The following KCNN2 variants were observed in gnomAD, a reference collection of about 807,000 sequenced individuals.
KCNN2 encodes the protein small conductance calcium-activated potassium channel protein 2.
A neutral mutation model predicts 55.5 loss-of-function variants in KCNN2; 24 were observed. The observed-to-expected ratio is 0.43, with a 90% CI of 0.31 to 0.61. The LOEUF is 0.61. KCNN2 is among the 20% of genes least tolerant of loss of function. KCNN2 has a pLI of 0.08. For missense variants in KCNN2, 754 were observed against 853.6 expected, an observed-to-expected ratio of 0.88 and a Z score of 1.45; for synonymous variants, 431 against 336.1, an observed-to-expected ratio of 1.28 and a Z score of -3.09.
intron 1 of KCNN2, among the ~76,000 whole-genome samples, chr5:114,220,300 G>A (rs1016786411): frequency 3.3e-5 from 5 of 152,014 alleles, no homozygotes; most frequent in African/African-American, 9.7e-5. Context: ...TTTCAAGATA[G>A]CAATGCTGGA....
chr5:114,140,074 A>C (rs2112503447), intron 1 of KCNN2, among the ~76,000 whole-genome samples: 1 of 152,218 alleles, frequency 6.6e-6, no homozygotes, highest in South Asian at 2.1e-4. Flanking sequence ...TAAATATGTA[A>C]GTTTTTTTCA....
intron 2 of KCNN2, among the ~76,000 whole-genome samples, chr5:114,389,117 GTA>G (rs572595841): frequency 5.3e-5 from 8 of 152,038 alleles, no homozygotes; most frequent in Admixed American, 2.0e-4. Context: ...GTGTGAGTGT[GTA>G]TGTGTCTTTC....
chr5:114,274,679 T>G (rs1310758135), intron 2 of KCNN2, among the ~76,000 whole-genome samples: 1 of 152,188 alleles, frequency 6.6e-6, no homozygotes, highest in African/African-American at 2.4e-5. Context: ...TTTTGCACAT[T>G]GATTTTGTAT....
At position 114,232,463 on chromosome 5, in the gene KCNN2, C is replaced by T. The variant is rs568610452; in HGVS notation, c.-185+10898C>T. 3.3e-5 allele frequency among the ~76,000 whole-genome samples: 5 copies of T among 151,006 alleles called. No homozygotes were observed. The South Asian group carries it at 1.0e-3, about 31-fold the overall frequency. ...TAATATTTTAAGGTTTGCGTTTTGC[C>T]TTCCAGTCTGTCCACATGTACTCCA... On this transcript the variant is annotated intron_variant, in intron 2 of 10. Transcript: ENST00000512097.
intron 1 of KCNN2, among the ~76,000 whole-genome samples, chr5:114,116,331 T>C (rs1751707920): frequency 6.6e-6 from 1 of 152,122 alleles, no homozygotes; most frequent in South Asian, 2.1e-4. Context: ...AAAGAAAGTT[T>C]TTCTGATTAT....
chr5:114,247,255 G>T, intron 2 of KCNN2, among the ~76,000 whole-genome samples: 1 of 141,092 alleles, frequency 7.1e-6, no homozygotes, highest in Non-Finnish European at 1.5e-5. Flanking sequence ...CTGGCTAAAT[G>T]AATAAGAGAT....
chr5:114,249,744 CAA>C (rs70976329), intron 2 of KCNN2, among the ~76,000 whole-genome samples: 2 of 141,910 alleles, frequency 1.4e-5, no homozygotes, highest in African/African-American at 5.3e-5. Context: ...ACCCTAGCTT[CAA>C]AAAAAAAAAA....
chr5:114,377,637 G>A (rs1757984790), intron 2 of KCNN2, among the ~76,000 whole-genome samples: 1 of 152,126 alleles, frequency 6.6e-6, no homozygotes, highest in Admixed American at 6.6e-5. Context: ...ACAGACATTT[G>A]TGCCTCTGGA....
At chr5:114,097,197 A>G (rs1481919788) in intron 1 of KCNN2, among the ~76,000 whole-genome samples, 1 of 152,214 alleles carries the variant, frequency 6.6e-6, no homozygotes, top group Non-Finnish European at 1.5e-5. Context: ...TGTAGGTGAC[A>G]TTACAAATTA....
chr5:114,426,214 G>C (rs1394914992), intron 3 of KCNN2, among the ~76,000 whole-genome samples: 1 of 152,010 alleles, frequency 6.6e-6, no homozygotes, highest in East Asian at 1.9e-4. Flanking sequence ...AGCCTCCAGT[G>C]ACTTCCCAAT....
intron 2 of KCNN2, among the ~76,000 whole-genome samples, chr5:114,299,406 A>G (rs949419062): frequency 6.6e-6 from 1 of 152,188 alleles, no homozygotes; most frequent in East Asian, 1.9e-4. Flanking sequence ...GATTTTCCTT[A>G]TCAGTGCTGA....
At chr5:114,346,625 G>T (rs1330735048) in intron 2 of KCNN2, among the ~76,000 whole-genome samples, 1 of 152,004 alleles carries the variant, frequency 6.6e-6, no homozygotes, top group African/African-American at 2.4e-5. Context: ...GATAGACATA[G>T]ATATTAAATA....
intron 1 of KCNN2, among the ~76,000 whole-genome samples, chr5:114,158,449 T>A (rs1317990498): frequency 6.6e-6 from 1 of 152,054 alleles, no homozygotes; most frequent in Non-Finnish European, 1.5e-5. Context: ...TGCTTCCAGG[T>A]TTGTTCTTTT....
intron 1 of KCNN2, among the ~76,000 whole-genome samples, chr5:114,089,323 G>A (rs889038818): frequency 2.0e-5 from 3 of 152,132 alleles, no homozygotes; most frequent in Non-Finnish European, 4.4e-5. Flanking sequence ...GTTTACCTGT[G>A]AGATTCCAGT....
chr5:114,191,106 C>G (rs17429202), intron 1 of KCNN2, among the ~76,000 whole-genome samples: 3,657 of 152,242 alleles, frequency 0.024, 80 homozygotes, highest in South Asian at 0.061. Flanking sequence ...ATGTAAAGAA[C>G]TTAGAATACC....
intron 3 of KCNN2, among the ~76,000 whole-genome samples, chr5:114,420,487 G>T (rs757155247): frequency 6.6e-6 from 1 of 152,212 alleles, no homozygotes; most frequent in Non-Finnish European, 1.5e-5. Flanking sequence ...TAACATGGGA[G>T]AAATTGACCA....
At chr5:114,339,552 C>T (rs977429188) in intron 2 of KCNN2, among the ~76,000 whole-genome samples, 2 of 152,094 alleles carry the variant, frequency 1.3e-5, no homozygotes, top group Non-Finnish European at 2.9e-5. Flanking sequence ...TTTGTAATCC[C>T]AGCACTTTGG....
intron 1 of KCNN2, among the ~76,000 whole-genome samples, chr5:114,194,310 C>A (rs1753507578): frequency 6.6e-6 from 1 of 152,016 alleles, no homozygotes; most frequent in African/African-American, 2.4e-5. Flanking sequence ...ATTTTACATT[C>A]CCACCAGCAA....
At chr5:114,101,367 G>C (rs915729837) in intron 1 of KCNN2, among the ~76,000 whole-genome samples, 4 of 150,624 alleles carry the variant, frequency 2.7e-5, no homozygotes, top group Admixed American at 6.6e-5. Context: ...TCTCTAGGTG[G>C]CGCCATTTAC....
Sources: gnomAD v4.1 joint callset for allele counts (sites outside exome capture counted in the v4.1 genomes callset) on GRCh38, gnomAD v4.1.1 for gene constraint, MANE v1.5 for transcripts, NCBI Gene and HGNC (gene_info 2026-07-23, HGNC 2026-07-21) for gene names.